Variants in PTPRD observed in about 807,000 individuals in gnomAD.
PTPRD encodes receptor-type tyrosine-protein phosphatase delta.
PTPRD carries 34 observed loss-of-function variants against 214.5 expected under a neutral mutation model. The ratio of observed to expected loss-of-function variants is 0.16; its 90% CI spans 0.12 to 0.21. The LOEUF is 0.21. Among genes scored for constraint, PTPRD ranks in the 10% least tolerant of loss-of-function variants. The pLI, the probability that PTPRD is intolerant of heterozygous loss-of-function variation, is 1.00. For synonymous variants in PTPRD, 1,128 were observed against 845.7 expected (o/e 1.33, Z -5.79); for missense variants, 2,545 against 2,398.7 (o/e 1.06, Z -1.27).
At chr9:10,283,413 G>T (rs116932700) in intron 3 of PTPRD, among the ~76,000 whole-genome samples, 1 of 152,148 alleles carries the variant, frequency 6.6e-6, no homozygotes, top group South Asian at 2.1e-4. Flanking sequence ...ATAAGACGAG[G>T]TCCTCAACAC....
intron 5 of PTPRD, among the ~76,000 whole-genome samples, chr9:9,782,111 C>G (rs1326310324): frequency 6.6e-6 from 1 of 151,954 alleles, no homozygotes; most frequent in Non-Finnish European, 1.5e-5. Context: ...ATTTTGATAC[C>G]TTTCTCCAGA....
intron 4 of PTPRD, among the ~76,000 whole-genome samples, chr9:10,019,691 A>G (rs1323056325): frequency 1.4e-5 from 2 of 145,348 alleles, no homozygotes; most frequent in Admixed American, 7.1e-5. Flanking sequence ...AAAACTAAAC[A>G]CCGCATGTTC....
Position 10,022,742 on chromosome 9 carries a change from C to A in PTPRD, c.-472+10976G>T, listed in dbSNP as rs192526818. On this transcript the variant is annotated intron_variant, in intron 4 of 45. Coordinates refer to ENST00000381196, the MANE Select transcript of PTPRD (RefSeq NM_002839.4). Reference sequence around the variant, plus strand: ...TACATTGACTAAGTTTTATTTTAGCCACTAGAATGAATAAAATGCTATAAA... The same window carrying A: ...TACATTGACTAAGTTTTATTTTAGCAACTAGAATGAATAAAATGCTATAAA... Among the ~76,000 whole-genome samples, 26 of 152,162 alleles carry A rather than the reference C, an allele frequency of 1.7e-4. No homozygotes were observed. In the East Asian group the frequency reaches 5.0e-3, roughly 29 times the overall value.
intron 3 of PTPRD, among the ~76,000 whole-genome samples, chr9:10,091,502 C>A (rs1055086143): frequency 3.3e-5 from 5 of 151,470 alleles, no homozygotes; most frequent in Admixed American, 2.6e-4. Context: ...ATAAATACTA[C>A]TTCCTAAAAT....
At chr9:8,449,063 G>T (rs755100109) in intron 34 of PTPRD, among the ~76,000 whole-genome samples, 2 of 152,146 alleles carry the variant, frequency 1.3e-5, no homozygotes, top group Non-Finnish European at 2.9e-5. Flanking sequence ...AAACAATATT[G>T]TGCAGAAGGC....
intron 11 of PTPRD, among the ~76,000 whole-genome samples, chr9:8,767,581 C>T (rs1001644547): frequency 6.6e-6 from 1 of 152,180 alleles, no homozygotes; most frequent in African/African-American, 2.4e-5. Flanking sequence ...TACGTTGAGT[C>T]ATAATAGATG....
chr9:8,756,363 T>A (rs987851692), intron 11 of PTPRD, among the ~76,000 whole-genome samples: 1 of 152,216 alleles, frequency 6.6e-6, no homozygotes, highest in Non-Finnish European at 1.5e-5. Flanking sequence ...AGATTTTTTT[T>A]AAATATTGTT....
intron 5 of PTPRD, among the ~76,000 whole-genome samples, chr9:9,879,733 G>C (rs1222056960): frequency 6.6e-6 from 1 of 152,114 alleles, no homozygotes; most frequent in East Asian, 1.9e-4. Flanking sequence ...TCTGAGATAA[G>C]ATCAGATCAT....
At chr9:8,848,004 C>T (rs1178731751) in intron 11 of PTPRD, among the ~76,000 whole-genome samples, 2 of 151,952 alleles carry the variant, frequency 1.3e-5, no homozygotes, top group Non-Finnish European at 2.9e-5. Flanking sequence ...CTTCTGATTT[C>T]TTACCTGTTG....
intron 3 of PTPRD, among the ~76,000 whole-genome samples, chr9:10,182,051 C>T (rs1322233941): frequency 6.2e-5 from 9 of 145,388 alleles, no homozygotes; most frequent in East Asian, 2.0e-4. Flanking sequence ...GTCAGGAGAT[C>T]GAGACCATCC....
chr9:9,566,955 T>A (rs1252584255), intron 8 of PTPRD, among the ~76,000 whole-genome samples: 1 of 151,812 alleles, frequency 6.6e-6, no homozygotes, highest in East Asian at 1.9e-4. Context: ...GATTACAGAG[T>A]CAAATACTAA....
chr9:9,959,088 T>C (rs766674235), intron 4 of PTPRD, among the ~76,000 whole-genome samples: 1 of 152,144 alleles, frequency 6.6e-6, no homozygotes, highest in East Asian at 1.9e-4. Flanking sequence ...TTCCCAAAAC[T>C]GGAAGCAACC....
intron 12 of PTPRD, among the ~76,000 whole-genome samples, chr9:8,660,128 AC>A (rs1458689525): frequency 6.6e-6 from 1 of 152,234 alleles, no homozygotes; most frequent in Non-Finnish European, 1.5e-5. Flanking sequence ...AAGCAAACAT[AC>A]CCACCTCAGT....
intron 14 of PTPRD, among the ~76,000 whole-genome samples, chr9:8,551,302 T>C (rs918827611): frequency 3.3e-5 from 5 of 152,214 alleles, no homozygotes; most frequent in Non-Finnish European, 5.9e-5. Flanking sequence ...CTTTATATAA[T>C]TGTTCTCCAT....
intron 10 of PTPRD, among the ~76,000 whole-genome samples, chr9:9,028,353 C>T (rs968859253): frequency 6.6e-6 from 1 of 151,902 alleles, no homozygotes; most frequent in African/African-American, 2.4e-5. Flanking sequence ...AATTGCAGAA[C>T]TAAAATTATA....
chr9:9,417,789 A>G (rs146743231), intron 8 of PTPRD, among the ~76,000 whole-genome samples: 1 of 152,214 alleles, frequency 6.6e-6, no homozygotes, highest in Admixed American at 6.5e-5. Context: ...TCAACTTGCC[A>G]ATTTTTAAGA....
At chr9:10,587,013 G>C (rs1362098631) in intron 2 of PTPRD, among the ~76,000 whole-genome samples, 2 of 151,932 alleles carry the variant, frequency 1.3e-5, no homozygotes, top group African/African-American at 4.8e-5. Flanking sequence ...CAAGATCCTA[G>C]AAATATAACA....
intron 14 of PTPRD, among the ~76,000 whole-genome samples, chr9:8,534,444 C>G (rs1043332381): frequency 1.3e-5 from 2 of 151,858 alleles, no homozygotes; most frequent in Non-Finnish European, 2.9e-5. Context: ...GACAGGAATA[C>G]AGATTTCTAA....
At chr9:9,864,093 T>A (rs1339406603) in intron 5 of PTPRD, among the ~76,000 whole-genome samples, 1 of 152,098 alleles carries the variant, frequency 6.6e-6, no homozygotes, top group Non-Finnish European at 1.5e-5. Flanking sequence ...ACATTTGAGG[T>A]CAGGAGTTTG....
Sources: gnomAD v4.1 joint callset for allele counts (sites outside exome capture counted in the v4.1 genomes callset) on GRCh38, gnomAD v4.1.1 for gene constraint, MANE v1.5 for transcripts, NCBI Gene and HGNC (gene_info 2026-07-23, HGNC 2026-07-21) for gene names.